ACTN2: variants seen among roughly 807,000 people sequenced by gnomAD.
ACTN2 encodes alpha-actinin-2.
In ACTN2, 39 loss-of-function variants were observed where a neutral mutation model predicts 113.8. The observed-to-expected ratio is 0.34, with a 90% CI of 0.27 to 0.45. The LOEUF (loss-of-function observed/expected upper bound fraction) is 0.45. Ranked by LOEUF, ACTN2 falls within the 20% of genes least tolerant of loss-of-function variation. The pLI is 1.00. For missense variants in ACTN2, 992 were observed against 1,177.9 expected (o/e 0.84, Z 2.31); for synonymous variants, 429 against 444.1 (o/e 0.97, Z 0.43).
At chr1:236,749,297 A>T (rs2297955) in intron 14 of ACTN2, 33 bp downstream of exon 14, 2 of 1,613,298 alleles carry the variant, frequency 1.2e-6, no homozygotes, top group African/African-American at 1.3e-5. Flanking sequence ...TGCCCTATGC[A>T]TTAGAAGTGA....
At chr1:236,749,735 A>G (rs879751034) in intron 14 of ACTN2, among the ~76,000 whole-genome samples, 4 of 152,150 alleles carry the variant, frequency 2.6e-5, no homozygotes, top group Non-Finnish European at 5.9e-5. Context: ...TGGGAGGCAG[A>G]GGTTGCAGTG....
intron 7 of ACTN2, among the ~76,000 whole-genome samples, chr1:236,735,211 C>G (rs1658831411): frequency 6.6e-6 from 1 of 152,172 alleles, no homozygotes; most frequent in Admixed American, 6.5e-5. Context: ...CATTGCAGCC[C>G]TGTGAATATT....
intron 9 of ACTN2, among the ~76,000 whole-genome samples, chr1:236,738,013 TTTG>T (rs1658943175): frequency 6.6e-6 from 1 of 152,138 alleles, no homozygotes; most frequent in Non-Finnish European, 1.5e-5. Flanking sequence ...TTTGTTTTGT[TTTG>T]TTTTGTTTTC....
chr1:236,757,177 T>C (rs1832513), intron 17 of ACTN2, among the ~76,000 whole-genome samples: 689 of 21,740 alleles, frequency 0.032, 14 homozygotes, highest in Non-Finnish European at 0.071. Flanking sequence ...CCGCTGCCAC[T>C]GTTAGAACCC....
intron 10 of ACTN2, among the ~76,000 whole-genome samples, chr1:236,742,002 T>C (rs1298725668): frequency 6.6e-6 from 1 of 152,050 alleles, no homozygotes; most frequent in African/African-American, 2.4e-5. Flanking sequence ...GCACATCCCC[T>C]CTTGGGCGTT....
chr1:236,727,604 T>A, intron 5 of ACTN2, 74 bp from the exon 6 acceptor site: 1 of 1,515,522 alleles, frequency 6.6e-7, no homozygotes, highest in Non-Finnish European at 9.2e-7. Flanking sequence ...GGCCAACATC[T>A]GACTGAGTGC....
At position 236,762,583 on chromosome 1, in the gene ACTN2, G is replaced by A. The variant is rs146426213; in HGVS notation, c.2649G>A (p.Ala883=). 1,358 of 1,614,146 alleles carry A rather than the reference G, an allele frequency of 8.4e-4. No individual in the cohort carries two copies. Among genetic ancestry groups the A allele is most frequent in the Non-Finnish European group, 1.1e-3 (1,240 of 1,180,028 alleles). ...GSVPGALDYA[A]FSSALYGESD... is the part of the protein sequence containing the mutation. ...TGCCTGGTGCACTGGATTACGCTGCGTTCTCTTCCGCACTCTACGGGGAGA... is the reference window on the plus strand; with the variant it reads ...TGCCTGGTGCACTGGATTACGCTGCATTCTCTTCCGCACTCTACGGGGAGA... The change falls in exon 21 of 21, where the codon GCG becomes GCA. Residue 883 remains alanine, a synonymous_variant. Transcript: ENST00000366578.
chr1:236,758,806 A>C (rs1435787052), intron 18 of ACTN2, among the ~76,000 whole-genome samples: 2 of 152,048 alleles, frequency 1.3e-5, no homozygotes, highest in Non-Finnish European at 2.9e-5. Context: ...TTTTTACTAG[A>C]AACAGGGTTT....
rs566860712 is a variant in ACTN2 at position 236,744,728 on chromosome 1, C to G, written c.1358C>G (p.Ala453Gly). 4 of 1,614,066 alleles carry G rather than the reference C, an allele frequency of 2.5e-6. No homozygotes were observed. The highest frequency in any genetic ancestry group is 1.7e-5 in the Admixed American group (1 of 60,004). Residue 453 changes from alanine to glycine, a missense_variant, in exon 12 of 21, where the codon GCG becomes GGG. This residue lies in a region of ACTN2 where 736 missense variants were observed against 815.4 expected (regional missense o/e 0.90). Transcript: ENST00000366578. Reference protein sequence around the residue: ...KHEAFESDLAAHQDRVEQIAA... With the variant: ...KHEAFESDLAGHQDRVEQIAA... ...GAGGCGTTCGAGAGCGACCTGGCAG[C>G]GCACCAGGACCGCGTGGAGCAGATC...
At chr1:236,728,365 G>A (rs1658619963) in intron 6 of ACTN2, among the ~76,000 whole-genome samples, 1 of 151,946 alleles carries the variant, frequency 6.6e-6, no homozygotes, top group South Asian at 2.1e-4. Flanking sequence ...GGATGGTCTC[G>A]ATCTCCTGAG....
At chr1:236,749,715 C>T (rs10925212) in intron 14 of ACTN2, among the ~76,000 whole-genome samples, 27,458 of 151,972 alleles carry the variant, frequency 0.18, 2,552 homozygotes, top group Middle Eastern at 0.24. Context: ...GTGGGAGGAT[C>T]GCTTGAGCCT....
intron 2 of ACTN2, 139 bp downstream of exon 2, chr1:236,718,111 A>C: frequency 2.9e-6 from 2 of 699,738 alleles, no homozygotes; most frequent in Non-Finnish European, 2.6e-6. Context: ...AACCTTTCCA[A>C]AGAACAATCT....
At chr1:236,710,702 CT>C (rs1281434843) in intron 1 of ACTN2, among the ~76,000 whole-genome samples, 2 of 152,186 alleles carry the variant, frequency 1.3e-5, no homozygotes, top group Non-Finnish European at 2.9e-5. Context: ...TGAGCAGAAG[CT>C]GCTCCCCATT....
rs1475422360 is a variant in ACTN2, at chr1:236,754,434, A to G, written c.1974+353A>G. On this transcript the variant is annotated intron_variant, in intron 16 of 20. Transcript: ENST00000366578. The surrounding 1 kb of genome is among the most constrained non-coding windows in gnomAD (Gnocchi z 4.9). ...CTACAAGGAGGACACGTGAAGGCCC[A>G]CAAATACTTTGCATTTTCAGAACAT... Among the ~76,000 whole-genome samples, 1 of 152,252 alleles carries G rather than the reference A, an allele frequency of 6.6e-6. No homozygotes were observed. The highest frequency in any genetic ancestry group is 1.5e-5 in the Non-Finnish European group (1 of 68,046).
chr1:236,734,428 C>A, intron 7 of ACTN2: 1 of 1,531,182 alleles, frequency 6.5e-7, no homozygotes, highest in Non-Finnish European at 8.7e-7. Context: ...CTTTTCTCCA[C>A]ACAGATTTAG....
At chr1:236,758,374 C>T (rs1306568803) in intron 18 of ACTN2, among the ~76,000 whole-genome samples, 1 of 150,856 alleles carries the variant, frequency 6.6e-6, no homozygotes, top group Admixed American at 6.6e-5. Flanking sequence ...CAACCTCCGC[C>T]TCCCGGGCTC....
chr1:236,745,428 C>T (rs1225537093), intron 12 of ACTN2, among the ~76,000 whole-genome samples: 2 of 152,024 alleles, frequency 1.3e-5, no homozygotes, highest in Non-Finnish European at 2.9e-5. Flanking sequence ...AGCGGGACTC[C>T]GTCTCAAAAA....
At chr1:236,699,503 A>T (rs1657612262) in intron 1 of ACTN2, among the ~76,000 whole-genome samples, 1 of 152,178 alleles carries the variant, frequency 6.6e-6, no homozygotes. Context: ...TATCGGAGTG[A>T]ATGCTGATAT....
intron 1 of ACTN2, among the ~76,000 whole-genome samples, chr1:236,716,857 CAG>C (rs1658232928): frequency 3.1e-5 from 1 of 32,670 alleles, no homozygotes; most frequent in Non-Finnish European, 7.1e-5. Context: ...TTTTTTGAGA[CAG>C]AGTCTCACTC....
Sources: allele counts gnomAD v4.1 joint callset (sites outside exome capture counted in the v4.1 genomes callset), GRCh38; gene constraint gnomAD v4.1.1; regional missense constraint gnomAD v4.1.1; non-coding constraint Gnocchi (gnomAD v3.1); transcripts MANE v1.5; gene names NCBI Gene and HGNC (gene_info 2026-07-23, HGNC 2026-07-21).